The following FBXO36 variants were observed in gnomAD, a reference collection of about 807,000 sequenced individuals.
FBXO36 encodes the protein F-box protein 36.
Under a neutral mutation model 17.0 loss-of-function variants are expected in FBXO36, and 18 were observed. That is an observed-to-expected ratio of 1.06 (90% confidence interval 0.73 to 1.57). The LOEUF is 1.57. Among genes scored for constraint, FBXO36 ranks in the 40% most tolerant of loss-of-function variants. FBXO36 has a pLI of 0.00. For synonymous variants in FBXO36, 83 were observed against 85.3 expected (o/e 0.97, Z 0.15); for missense variants, 229 against 221.9 (o/e 1.03, Z -0.20).
chr2:229,948,803 G>A (rs1270810205), intron 1 of FBXO36, among the ~76,000 whole-genome samples: 1 of 152,154 alleles, frequency 6.6e-6, no homozygotes, highest in Admixed American at 6.5e-5. Flanking sequence ...CTGGGTTATG[G>A]ACTGCCTACT....
At chr2:229,959,856 A>G (rs2077111678) in intron 1 of FBXO36, among the ~76,000 whole-genome samples, 1 of 151,796 alleles carries the variant, frequency 6.6e-6, no homozygotes, top group South Asian at 2.1e-4. Context: ...AAAAAAAAAA[A>G]GAATACTGCC....
intron 2 of FBXO36, among the ~76,000 whole-genome samples, chr2:229,991,116 A>G (rs1337473797): frequency 6.6e-6 from 1 of 151,968 alleles, no homozygotes; most frequent in Non-Finnish European, 1.5e-5. Context: ...TTGTATTTTT[A>G]ATAGAGATGG....
intron 1 of FBXO36, among the ~76,000 whole-genome samples, chr2:229,964,798 C>T (rs1186629740): frequency 2.6e-5 from 4 of 152,182 alleles, no homozygotes; most frequent in Admixed American, 6.6e-5. Flanking sequence ...GGATTACAGG[C>T]GTGAGCCACC....
In FBXO36 at chr2:229,992,035, G is replaced by A. The variant is rs182068215; in HGVS notation, c.206-4716G>A. On this transcript the variant is annotated intron_variant, in intron 2 of 3. Coordinates refer to ENST00000283946, the MANE Select transcript of FBXO36 (RefSeq NM_174899.5). ...GTCCTTTTTAAGAGACCTTCCTTTAGCTTGTCTCTTTTCTCTTATCTTTTA... is the reference window on the plus strand; with the variant it reads ...GTCCTTTTTAAGAGACCTTCCTTTAACTTGTCTCTTTTCTCTTATCTTTTA... Among the ~76,000 whole-genome samples the A allele has an allele frequency of 2.0e-5, 3 of 152,266 alleles. No homozygotes were observed. The East Asian group carries it at 5.8e-4, about 29-fold the overall frequency.
chr2:229,983,098 G>A (rs976556399), intron 2 of FBXO36, among the ~76,000 whole-genome samples: 2 of 151,738 alleles, frequency 1.3e-5, no homozygotes, highest in Admixed American at 1.3e-4. Flanking sequence ...TCCTCCTGCC[G>A]GGCGCGGTGG....
chr2:230,013,023 A>C lies in FBXO36; in HGVS notation c.*2139A>C, dbSNP rs1334348335. On this transcript the variant is annotated 3_prime_UTR_variant, in exon 4 of 4. Transcript: ENST00000283946. ...AAAATGTTATAAAAATAAATGCTAAAGTAAATAAAAAAAGAGCCATTAATA... is the reference window on the plus strand; with the variant it reads ...AAAATGTTATAAAAATAAATGCTAACGTAAATAAAAAAAGAGCCATTAATA... 1 of 151,452 alleles carries C rather than the reference A, an allele frequency of 6.6e-6. No individual in the cohort carries two copies. The highest frequency in any genetic ancestry group is 1.5e-5 in the Non-Finnish European group (1 of 67,850). The allele number at this position is 151,452 out of a possible 1,614,324, so 9.4% of individuals were successfully genotyped here. A position where few individuals can be genotyped will look rare whatever the true frequency, so the allele number is the denominator to read the frequency against.
In FBXO36 at chr2:229,922,627, T is replaced by C. The variant is rs1193639541; in HGVS notation, c.96+18T>C. Reference sequence around the variant, plus strand: ...GGTCTCAGGCAAGTGCGAGCCGCGGTTTACCCTCTCTCCTAACTCCCTACC... The same window carrying C: ...GGTCTCAGGCAAGTGCGAGCCGCGGCTTACCCTCTCTCCTAACTCCCTACC... On this transcript the variant is annotated intron_variant, in intron 1 of 3. Coordinates refer to ENST00000283946, the MANE Select transcript of FBXO36 (RefSeq NM_174899.5). The C allele has an allele frequency of 6.2e-7, 1 of 1,613,068 alleles. No individual in the cohort carries two copies. Among genetic ancestry groups the C allele is most frequent in the South Asian group, 1.1e-5 (1 of 90,986 alleles).
intron 1 of FBXO36, among the ~76,000 whole-genome samples, chr2:229,963,128 T>C (rs956057472): frequency 2.6e-5 from 4 of 151,558 alleles, no homozygotes; most frequent in African/African-American, 4.9e-5. Flanking sequence ...TGCTGTGGCA[T>C]GATCTCTGTT....
chr2:229,922,756 A>ACCTCGGCCT (rs1296809636), intron 1 of FBXO36, 147 bp downstream of exon 1: 3 of 764,586 alleles, frequency 3.9e-6, no homozygotes, highest in African/African-American at 3.6e-5. Flanking sequence ...TTTCCTCGTC[A>ACCTCGGCCT]CCTCGGCCTC....
At position 229,945,796 on chromosome 2, in the gene FBXO36, G is replaced by T. The variant is rs188212852; in HGVS notation, c.96+23187G>T. 6.2e-3 allele frequency among the ~76,000 whole-genome samples: 948 copies of T among 151,986 alleles called. 10 individuals carry two copies. Among genetic ancestry groups the T allele is most frequent in the African/African-American group, 0.021 (873 of 41,480 alleles). On this transcript the variant is annotated intron_variant, in intron 1 of 3. Coordinates refer to ENST00000283946, the MANE Select transcript of FBXO36 (RefSeq NM_174899.5). ...CCAGCACTTTGGGAGGCTGAGGCAG[G>T]CGGATCATCTGAGTTCAGGAGTTTG...
chr2:230,007,823 T>C (rs1166191031), intron 3 of FBXO36, among the ~76,000 whole-genome samples: 1 of 152,086 alleles, frequency 6.6e-6, no homozygotes, highest in Non-Finnish European at 1.5e-5. Flanking sequence ...CTCGAATTCC[T>C]GATGTCAAAT....
chr2:229,965,433 G>A (rs1291354805), intron 1 of FBXO36, among the ~76,000 whole-genome samples: 1 of 150,268 alleles, frequency 6.7e-6, no homozygotes, highest in African/African-American at 2.5e-5. Flanking sequence ...ATGCAGGTTT[G>A]TTACATATGT....
At chr2:229,931,305 G>A (rs547754348) in intron 1 of FBXO36, among the ~76,000 whole-genome samples, 1 of 152,204 alleles carries the variant, frequency 6.6e-6, no homozygotes. Context: ...ACCTGTGAGT[G>A]CCTGCTCAAT....
intron 1 of FBXO36, among the ~76,000 whole-genome samples, chr2:229,932,477 G>T (rs537134981): frequency 6.6e-6 from 1 of 151,856 alleles, no homozygotes; most frequent in East Asian, 1.9e-4. Context: ...CCAAGGTCAC[G>T]CCATTGCACT....
At chr2:229,957,059 G>C (rs999585448) in intron 1 of FBXO36, among the ~76,000 whole-genome samples, 1 of 152,206 alleles carries the variant, frequency 6.6e-6, no homozygotes, top group Non-Finnish European at 1.5e-5. Flanking sequence ...CCTAACAGGA[G>C]TGGAGGAAGA....
In FBXO36 at chr2:230,011,364, C is replaced by T. The variant is rs1361008576; in HGVS notation, c.*480C>T. 6.5e-6 allele frequency: 1 copy of T among 153,560 alleles called. No homozygotes were observed. 9.5% of individuals were successfully genotyped at this position (153,560 alleles called of 1,614,324 possible). On this transcript the variant is annotated 3_prime_UTR_variant, in exon 4 of 4. Transcript: ENST00000283946. ...TGAAGGGCACGTACCACGGGAGGCACTCAGGGTGGGTGCAGCTGCCTTCCC... is the reference window on the plus strand; with the variant it reads ...TGAAGGGCACGTACCACGGGAGGCATTCAGGGTGGGTGCAGCTGCCTTCCC...
Position 229,976,269 on chromosome 2 carries a change from TAAG to T in FBXO36, c.126_128del (p.Arg43del). The T allele has an allele frequency of 1.9e-6, 3 of 1,612,604 alleles. No individual in the cohort carries two copies. The highest frequency in any genetic ancestry group is 1.7e-4 in the Middle Eastern group (1 of 6,056). On this transcript the variant is annotated inframe_deletion, in exon 2 of 4. Transcript: ENST00000283946. ...ATCTTTAGATGGTGGAAGATCTCTC[TAAG>T]GAGTGAGTATCGATCAACAAAACCT...
At chr2:229,940,578 T>TG (rs1465324997) in intron 1 of FBXO36, among the ~76,000 whole-genome samples, 4 of 152,136 alleles carry the variant, frequency 2.6e-5, no homozygotes, top group Non-Finnish European at 5.9e-5. Context: ...ACAAGGTCAT[T>TG]GCAGATGAAA....
Position 229,968,083 on chromosome 2 carries a change from A to G in FBXO36, c.97-8158A>G, listed in dbSNP as rs1260660662. Among the ~76,000 whole-genome samples, 3 of 151,898 alleles carry G rather than the reference A, an allele frequency of 2.0e-5. No individual in the cohort carries two copies. In the South Asian group the frequency reaches 6.2e-4, roughly 32 times the overall value. ...TGTTATTGGTCTATTCGGAGATTCA[A>G]CTTCTTTTTTCAAATGGCCACCCAC... is the stretch of plus-strand genomic sequence containing the variant. On this transcript the variant is annotated intron_variant, in intron 1 of 3. Transcript: ENST00000283946.
Sources: gnomAD v4.1 joint callset for allele counts (sites outside exome capture counted in the v4.1 genomes callset) on GRCh38, gnomAD v4.1.1 for gene constraint, MANE v1.5 for transcripts, NCBI Gene and HGNC (gene_info 2026-07-23, HGNC 2026-07-21) for gene names.